BMPR1A: variants seen among roughly 807,000 people sequenced by gnomAD.
BMPR1A encodes bone morphogenetic protein receptor type-1A.
In BMPR1A, 7 loss-of-function variants were observed where a neutral mutation model predicts 66.0. The observed-to-expected ratio is 0.11, with a 90% CI of 0.06 to 0.20. BMPR1A has a LOEUF of 0.20. Among genes scored for constraint, BMPR1A ranks in the 10% least tolerant of loss-of-function variants. BMPR1A has a pLI of 1.00. For synonymous variants in BMPR1A, 200 were observed against 229.7 expected (o/e 0.87, Z 1.17); for missense variants, 408 against 669.1 (o/e 0.61, Z 4.31).
intron 5 of BMPR1A, among the ~76,000 whole-genome samples, chr10:86,898,033 C>T (rs780702528): frequency 5.9e-5 from 9 of 152,022 alleles, no homozygotes; most frequent in Non-Finnish European, 1.0e-4. Context: ...CTTGTATTTT[C>T]TGTAATACTA....
At chr10:86,791,276 G>C (rs1029803675) in intron 1 of BMPR1A, among the ~76,000 whole-genome samples, 1 of 149,766 alleles carries the variant, frequency 6.7e-6, no homozygotes, top group African/African-American at 2.5e-5. Context: ...GCAGTGGTGC[G>C]ATCTCGGCTC....
intron 11 of BMPR1A, among the ~76,000 whole-genome samples, chr10:86,922,210 A>G (rs1264962940): frequency 1.3e-5 from 2 of 152,124 alleles, no homozygotes; most frequent in South Asian, 4.1e-4. Flanking sequence ...CAGTTCCTCC[A>G]TGTTATTTCA....
At position 86,919,384 on chromosome 10, in the gene BMPR1A, C is replaced by T. The variant is rs764466442; in HGVS notation, c.1081C>T (p.Arg361Ter). Reference protein sequence around the residue: ...GTQGKPAIAHRDLKSKNILIK... With the variant: ...GTQGKPAIAH ...CCAAGGAAAGCCCGCAATTGCTCATCGAGACCTAAAGAGCAAAAACATCCT... is the reference window on the plus strand; with the variant it reads ...CCAAGGAAAGCCCGCAATTGCTCATTGAGACCTAAAGAGCAAAAACATCCT... Residue 361 changes from arginine (R) to a stop codon, truncating the protein, a stop_gained, in exon 10 of 13, where the codon CGA becomes TGA. Coordinates refer to ENST00000372037, the MANE Select transcript of BMPR1A (RefSeq NM_004329.3). LOFTEE classifies it high-confidence loss of function. 2.5e-6 allele frequency: 4 copies of T among 1,612,920 alleles called. No individual in the cohort carries two copies. Among genetic ancestry groups the T allele is most frequent in the East Asian group, 2.2e-5 (1 of 44,876 alleles).
chr10:86,796,721 AC>A (rs1252191027), intron 1 of BMPR1A, among the ~76,000 whole-genome samples: 1 of 151,624 alleles, frequency 6.6e-6, no homozygotes, highest in Admixed American at 6.6e-5. Context: ...GGACCAGCTC[AC>A]GCTACCACTC....
At chr10:86,806,190 A>G (rs1049010945) in intron 1 of BMPR1A, among the ~76,000 whole-genome samples, 1 of 152,112 alleles carries the variant, frequency 6.6e-6, no homozygotes. Flanking sequence ...GAAGCATACT[A>G]TGTCTGTCCT....
intron 1 of BMPR1A, among the ~76,000 whole-genome samples, chr10:86,779,152 C>T (rs901646287): frequency 6.6e-6 from 1 of 152,060 alleles, no homozygotes; most frequent in Admixed American, 6.6e-5. Context: ...TATTAGATGT[C>T]CCGTTTGTCT....
intron 1 of BMPR1A, among the ~76,000 whole-genome samples, chr10:86,836,902 C>T (rs1299534698): frequency 6.6e-6 from 1 of 152,086 alleles, no homozygotes; most frequent in Non-Finnish European, 1.5e-5. Context: ...CACTATACGC[C>T]AGCCTGGGTA....
intron 2 of BMPR1A, among the ~76,000 whole-genome samples, chr10:86,839,775 A>C (rs953581393): frequency 7.9e-5 from 12 of 151,546 alleles, no homozygotes; most frequent in Non-Finnish European, 1.6e-4. Flanking sequence ...CTTCTGCCTC[A>C]GTCTCCCACA....
chr10:86,877,268 C>T (rs189200920), intron 3 of BMPR1A, among the ~76,000 whole-genome samples: 4,957 of 149,260 alleles, frequency 0.033, 183 homozygotes, highest in African/African-American at 0.093. Flanking sequence ...AGTACAGTGG[C>T]GCCATCTCGG....
chr10:86,912,033 A>G lies in BMPR1A; in HGVS notation c.531-207A>G, dbSNP rs567538711. On this transcript the variant is annotated intron_variant, in intron 7 of 12. Coordinates refer to ENST00000372037, the MANE Select transcript of BMPR1A (RefSeq NM_004329.3). ...GTGTCTTTTTACATGCCAATACACT[A>G]TAGACATCTTTCTGTTTTAACATGA... 4.6e-5 allele frequency among the ~76,000 whole-genome samples: 7 copies of G among 152,222 alleles called. No homozygotes were observed. In the South Asian group the frequency reaches 6.2e-4, roughly 14 times the overall value.
rs114629194 is a variant in BMPR1A, at chr10:86,759,823, T to C, written c.-268+2904T>C. The stretch of plus-strand genomic sequence containing the variant: ...TAGATCTTTTTTCTGGAGAGGACTT[T>C]GAGTAACACTTCAATTTCTTTAATA... On this transcript the variant is annotated intron_variant, in intron 1 of 12. Coordinates refer to ENST00000372037, the MANE Select transcript of BMPR1A (RefSeq NM_004329.3). Among the ~76,000 whole-genome samples, 467 of 152,330 alleles carry C rather than the reference T, an allele frequency of 3.1e-3. 4 individuals carry two copies. Among genetic ancestry groups the C allele is most frequent in the African/African-American group, 0.011 (445 of 41,582 alleles).
At chr10:86,891,160 C>G (rs1387265864) in intron 4 of BMPR1A, among the ~76,000 whole-genome samples, 1 of 152,108 alleles carries the variant, frequency 6.6e-6, no homozygotes, top group African/African-American at 2.4e-5. Flanking sequence ...CTGCTTGTCC[C>G]CTGGTGGTGG....
At chr10:86,878,299 AT>A (rs1236878759) in intron 3 of BMPR1A, among the ~76,000 whole-genome samples, 3 of 152,344 alleles carry the variant, frequency 2.0e-5, no homozygotes, top group African/African-American at 7.2e-5. Context: ...TAGGGTATAG[AT>A]TTAAGTGCTT....
intron 1 of BMPR1A, among the ~76,000 whole-genome samples, chr10:86,835,832 C>T (rs376189479): frequency 6.6e-6 from 1 of 151,938 alleles, no homozygotes; most frequent in African/African-American, 2.4e-5. Context: ...ATTCTGATGA[C>T]AAGAAAAGAT....
chr10:86,821,481 T>A (rs181870515), intron 1 of BMPR1A, among the ~76,000 whole-genome samples: 193 of 152,180 alleles, frequency 1.3e-3, no homozygotes, highest in Middle Eastern at 3.4e-3. Context: ...CACAACATGA[T>A]TTTTTTTAAA....
At chr10:86,913,747 TA>T (rs1237361551) in intron 8 of BMPR1A, among the ~76,000 whole-genome samples, 1 of 152,190 alleles carries the variant, frequency 6.6e-6, no homozygotes, top group Non-Finnish European at 1.5e-5. Context: ...CTGAAAATTA[TA>T]AAACATTGCT....
chr10:86,801,074 A>G (rs1841805216), intron 1 of BMPR1A, among the ~76,000 whole-genome samples: 1 of 152,238 alleles, frequency 6.6e-6, no homozygotes, highest in Non-Finnish European at 1.5e-5. Context: ...GGGCAGGACA[A>G]TGTGTACTAA....
chr10:86,779,299 T>C (rs1257376619), intron 1 of BMPR1A, among the ~76,000 whole-genome samples: 1 of 152,224 alleles, frequency 6.6e-6, no homozygotes, highest in East Asian at 1.9e-4. Flanking sequence ...TGTAGTTATT[T>C]GAGGAAACTC....
intron 9 of BMPR1A, 90 bp from the exon 10 acceptor site, chr10:86,919,082 C>G (rs1244340311): frequency 1.4e-6 from 2 of 1,454,392 alleles, no homozygotes; most frequent in East Asian, 2.3e-5. Context: ...CACATGATAC[C>G]TAAGTTTTTC....
Sources: gnomAD v4.1 joint callset for allele counts (sites outside exome capture counted in the v4.1 genomes callset) on GRCh38, gnomAD v4.1.1 for gene constraint, MANE v1.5 for transcripts, NCBI Gene and HGNC (gene_info 2026-07-23, HGNC 2026-07-21) for gene names.